The following MARCHF1 variants were observed in gnomAD, a reference collection of about 807,000 sequenced individuals.
MARCHF1 encodes E3 ubiquitin-protein ligase MARCHF1.
MARCHF1 carries 40 observed loss-of-function variants against 54.2 expected under a neutral mutation model. The observed-to-expected ratio is 0.74, with a 90% CI of 0.57 to 0.96. The LOEUF (loss-of-function observed/expected upper bound fraction) is 0.96. MARCHF1 is among the 40% of genes least tolerant of loss of function. The pLI is 0.00. For synonymous variants in MARCHF1, 236 were observed against 236.3 expected (o/e 1.00, Z 0.01); for missense variants, 586 against 656.5 (o/e 0.89, Z 1.17).
chr4:163,542,802 C>G (rs1738763040), intron 9 of MARCHF1, among the ~76,000 whole-genome samples: 1 of 152,182 alleles, frequency 6.6e-6, no homozygotes. Context: ...GTCCCAGGAC[C>G]ATACTTTGAG....
chr4:164,156,371 A>G (rs550317741), intron 1 of MARCHF1, among the ~76,000 whole-genome samples: 19 of 152,278 alleles, frequency 1.2e-4, no homozygotes, highest in African/African-American at 4.6e-4. Flanking sequence ...AAAATGGGGG[A>G]GGAATGGAGT....
At chr4:164,093,804 T>C (rs1293951057) in intron 2 of MARCHF1, among the ~76,000 whole-genome samples, 1 of 152,108 alleles carries the variant, frequency 6.6e-6, no homozygotes, top group South Asian at 2.1e-4. Flanking sequence ...CCTTAATGTA[T>C]GGGTAAAATT....
At chr4:164,249,428 T>C (rs1294788196) in intron 1 of MARCHF1, among the ~76,000 whole-genome samples, 1 of 152,028 alleles carries the variant, frequency 6.6e-6, no homozygotes, top group Non-Finnish European at 1.5e-5. Flanking sequence ...ATGTGATGTA[T>C]ATGTGAAATC....
chr4:164,080,962 A>T (rs1460622811), intron 2 of MARCHF1, among the ~76,000 whole-genome samples: 1 of 151,396 alleles, frequency 6.6e-6, no homozygotes, highest in Non-Finnish European at 1.5e-5. Context: ...TAATCCCAGC[A>T]CTTTGGGAGG....
At chr4:163,919,789 C>T (rs945389328) in intron 3 of MARCHF1, among the ~76,000 whole-genome samples, 1 of 152,064 alleles carries the variant, frequency 6.6e-6, no homozygotes, top group Non-Finnish European at 1.5e-5. Context: ...GACTAACAAA[C>T]GTATTTCAGC....
At chr4:163,889,403 T>C (rs1324663043) in intron 3 of MARCHF1, among the ~76,000 whole-genome samples, 1 of 152,140 alleles carries the variant, frequency 6.6e-6, no homozygotes, top group African/African-American at 2.4e-5. Context: ...TCCAGAAGCC[T>C]CATCCTTGAT....
intron 9 of MARCHF1, among the ~76,000 whole-genome samples, chr4:163,531,938 TAAAAG>T (rs1738367988): frequency 6.6e-6 from 1 of 151,744 alleles, no homozygotes. Flanking sequence ...ATGAAGGAAA[TAAAAG>T]AATATCTGAA....
chr4:164,234,036 T>A (rs1732483254), intron 1 of MARCHF1, among the ~76,000 whole-genome samples: 1 of 152,196 alleles, frequency 6.6e-6, no homozygotes, highest in South Asian at 2.1e-4. Flanking sequence ...TTTATGTTTA[T>A]CCATCAGTTA....
chr4:164,091,919 T>C (rs2111134648), intron 2 of MARCHF1, among the ~76,000 whole-genome samples: 1 of 151,732 alleles, frequency 6.6e-6, no homozygotes, highest in Non-Finnish European at 1.5e-5. Flanking sequence ...TGTGTGTTTG[T>C]TTATATGGAG....
intron 3 of MARCHF1, among the ~76,000 whole-genome samples, chr4:163,894,786 C>T (rs141803349): frequency 2.8e-4 from 8 of 28,482 alleles, no homozygotes; most frequent in South Asian, 8.8e-4. Flanking sequence ...CATATATATA[C>T]ATGCATGTGA....
At chr4:164,091,290 T>A (rs915359538) in intron 2 of MARCHF1, among the ~76,000 whole-genome samples, 1 of 151,854 alleles carries the variant, frequency 6.6e-6, no homozygotes, top group African/African-American at 2.4e-5. Context: ...CACATGCACA[T>A]CATTTTTAAT....
chr4:164,333,813 A>G (rs975376256), intron 1 of MARCHF1, among the ~76,000 whole-genome samples: 5 of 152,234 alleles, frequency 3.3e-5, no homozygotes, highest in Non-Finnish European at 5.9e-5. Flanking sequence ...GTATTGTGCC[A>G]AACAGCTAAA....
chr4:163,718,736 T>A (rs956612343), intron 4 of MARCHF1, among the ~76,000 whole-genome samples: 6 of 152,220 alleles, frequency 3.9e-5, no homozygotes, highest in African/African-American at 1.2e-4. Context: ...TTTTATAGCA[T>A]GGTTGGACTT....
At chr4:163,983,068 G>A (rs1752793658) in intron 3 of MARCHF1, among the ~76,000 whole-genome samples, 1 of 152,160 alleles carries the variant, frequency 6.6e-6, no homozygotes, top group South Asian at 2.1e-4. Flanking sequence ...CATGGATGAC[G>A]TACAGTAATC....
intron 9 of MARCHF1, among the ~76,000 whole-genome samples, chr4:163,536,006 A>G (rs1342737185): frequency 6.6e-6 from 1 of 152,160 alleles, no homozygotes; most frequent in Non-Finnish European, 1.5e-5. Context: ...CCAACAAAGA[A>G]TTATTCAGTT....
chr4:164,195,515 TAGAA>T, intron 1 of MARCHF1, among the ~76,000 whole-genome samples: 1 of 152,250 alleles, frequency 6.6e-6, no homozygotes, highest in African/African-American at 2.4e-5. Context: ...CAAATGAAAA[TAGAA>T]AGTTATTCTC....
intron 4 of MARCHF1, among the ~76,000 whole-genome samples, chr4:163,818,997 A>G (rs1748619716): frequency 6.6e-6 from 1 of 152,012 alleles, no homozygotes; most frequent in Non-Finnish European, 1.5e-5. Flanking sequence ...AAACCATGCT[A>G]TTTATCTGTC....
At chr4:163,946,749 G>A (rs1476289116) in intron 3 of MARCHF1, among the ~76,000 whole-genome samples, 1 of 152,148 alleles carries the variant, frequency 6.6e-6, no homozygotes, top group East Asian at 1.9e-4. Context: ...TTGTGGCCAT[G>A]GTTTTAAAGG....
chr4:164,158,864 T>A (rs1470792911), intron 1 of MARCHF1, among the ~76,000 whole-genome samples: 1 of 152,174 alleles, frequency 6.6e-6, no homozygotes, highest in African/African-American at 2.4e-5. Context: ...AGGCGCAGTT[T>A]AAATGACATC....
Sources: gnomAD v4.1 joint callset for allele counts (sites outside exome capture counted in the v4.1 genomes callset) on GRCh38, gnomAD v4.1.1 for gene constraint, MANE v1.5 for transcripts, NCBI Gene and HGNC (gene_info 2026-07-23, HGNC 2026-07-21) for gene names.